Variants in EFHB observed in about 807,000 individuals in gnomAD.
EFHB encodes EF-hand domain family member B.
EFHB carries 91 observed loss-of-function variants against 87.2 expected under a neutral mutation model. The observed-to-expected ratio is 1.04, with a 90% confidence interval of 0.88 to 1.24. The LOEUF is 1.24. Ranked by LOEUF, EFHB falls within the 50% of genes most tolerant of loss-of-function variation. The pLI, the probability that EFHB is intolerant of heterozygous loss-of-function variation, is 0.00. For synonymous variants in EFHB, 325 were observed against 333.6 expected, an observed-to-expected ratio of 0.97 and a Z score of 0.28; for missense variants, 1,084 against 998.8, an observed-to-expected ratio of 1.09 and a Z score of -1.15.
At chr3:19,919,790 T>C in intron 3 of EFHB, 43 bp downstream of exon 3, 1 of 1,577,068 alleles carries the variant, frequency 6.3e-7, no homozygotes, top group Non-Finnish European at 8.7e-7. Context: ...ATTTTCACCT[T>C]GGTAAATTAA....
At chr3:19,908,617 AAAGAAAG>A (rs1694944840) in intron 5 of EFHB, among the ~76,000 whole-genome samples, 1 of 148,712 alleles carries the variant, frequency 6.7e-6, no homozygotes, top group African/African-American at 2.6e-5. Context: ...AGAAAGAAAG[AAAGAAAG>A]AAAGAAAGAA....
At position 19,879,564 on chromosome 3, in the gene EFHB, G is replaced by A; in HGVS notation, c.*67C>T. 4 of 1,458,638 alleles carry A rather than the reference G, an allele frequency of 2.7e-6. No individual in the cohort carries two copies. The highest frequency in any genetic ancestry group is 3.7e-6 in the Non-Finnish European group (4 of 1,094,894). 90.4% of individuals were successfully genotyped at this position (1,458,638 alleles called of 1,614,324 possible). A position where few individuals can be genotyped will look rare whatever the true frequency, so the allele number is the denominator to read the frequency against. The stretch of plus-strand genomic sequence containing the variant: ...TAACATAATATCTAAAACCAGAATG[G>A]ATTCAACATTTTAGATAAACACAGA... On this transcript the variant is annotated 3_prime_UTR_variant, in exon 13 of 13. Transcript: ENST00000295824.
chr3:19,897,548 G>A (rs1488606237), intron 8 of EFHB, among the ~76,000 whole-genome samples: 1 of 152,058 alleles, frequency 6.6e-6, no homozygotes, highest in African/African-American at 2.4e-5. Flanking sequence ...AGGACTCTCA[G>A]CTTTCTCTTC....
At chr3:19,887,021 A>AT (rs1694125033) in intron 10 of EFHB, among the ~76,000 whole-genome samples, 1 of 152,234 alleles carries the variant, frequency 6.6e-6, no homozygotes, top group African/African-American at 2.4e-5. Context: ...AAATCATAAT[A>AT]TATCAGCATG....
chr3:19,909,815 C>T (rs1382838533), intron 5 of EFHB, among the ~76,000 whole-genome samples: 2 of 152,094 alleles, frequency 1.3e-5, no homozygotes, highest in Non-Finnish European at 2.9e-5. Flanking sequence ...TTGCAGATGA[C>T]GTTTCTAGAC....
intron 9 of EFHB, among the ~76,000 whole-genome samples, chr3:19,895,231 C>T (rs71316233): frequency 0.049 from 7,429 of 151,708 alleles, 209 homozygotes; most frequent in Non-Finnish European, 0.06. Context: ...CCCGTAATCC[C>T]AGCACTTTGG....
intron 9 of EFHB, among the ~76,000 whole-genome samples, chr3:19,892,482 C>T (rs1420826912): frequency 6.6e-6 from 1 of 152,176 alleles, no homozygotes; most frequent in Non-Finnish European, 1.5e-5. Flanking sequence ...ATTGGTGTTA[C>T]TTCCATGACC....
chr3:19,898,924 T>C, intron 7 of EFHB, 79 bp from the exon 8 acceptor site: 1 of 1,403,776 alleles, frequency 7.1e-7, no homozygotes, highest in Non-Finnish European at 1.0e-6. Context: ...TGCCATATGT[T>C]CTTAGTAGCC....
At chr3:19,907,953 G>A (rs565015891) in intron 5 of EFHB, among the ~76,000 whole-genome samples, 2 of 152,290 alleles carry the variant, frequency 1.3e-5, no homozygotes, top group African/African-American at 4.8e-5. Flanking sequence ...CATACTCTGG[G>A]TCTAAGGGCA....
upstream of EFHB, among the ~76,000 whole-genome samples, chr3:19,936,538 T>C (rs1157476218): frequency 1.3e-5 from 2 of 152,000 alleles, no homozygotes; most frequent in Non-Finnish European, 2.9e-5. Context: ...CACTCTAGCC[T>C]GGGTGATACA....
intron 8 of EFHB, among the ~76,000 whole-genome samples, chr3:19,897,565 T>A (rs1438981796): frequency 6.6e-6 from 1 of 152,158 alleles, no homozygotes; most frequent in Admixed American, 6.5e-5. Context: ...CTTCCTTTTT[T>A]AATTCATCAA....
chr3:19,886,749 T>C (rs1298041164), intron 10 of EFHB, among the ~76,000 whole-genome samples: 1 of 130,586 alleles, frequency 7.7e-6, no homozygotes, highest in East Asian at 2.3e-4. Flanking sequence ...AGTACAACAA[T>C]GTAAGAATTT....
intron 1 of EFHB, among the ~76,000 whole-genome samples, chr3:19,928,491 G>A (rs1381970113): frequency 2.0e-5 from 3 of 152,112 alleles, no homozygotes; most frequent in Admixed American, 6.6e-5. Context: ...TCGCTCTGTC[G>A]CCCAGGACAG....
At chr3:19,885,709 C>T (rs543970325) in intron 10 of EFHB, among the ~76,000 whole-genome samples, 1 of 152,280 alleles carries the variant, frequency 6.6e-6, no homozygotes, top group African/African-American at 2.4e-5. Context: ...AAAAGACTTA[C>T]GTCTCTGAAG....
intron 9 of EFHB, 82 bp downstream of exon 9, chr3:19,896,605 A>C: frequency 6.4e-7 from 1 of 1,553,134 alleles, no homozygotes; most frequent in South Asian, 1.1e-5. Flanking sequence ...CACAGGCTAT[A>C]GTTTGCTGAC....
Position 19,933,960 on chromosome 3 carries a change from A to G in EFHB, c.59T>C (p.Val20Ala). Residue 20 changes from valine to alanine, a missense_variant, in exon 1 of 13, where the codon GTC becomes GCC. By Grantham distance (64) the Val-to-Ala change is moderately conservative. Coordinates refer to ENST00000295824, the MANE Select transcript of EFHB (RefSeq NM_144715.4). ...EGKDDLGDKR[V>A]IMGTKFPMEL... Reference sequence around the variant, plus strand: ...CATGGGAAATTTTGTTCCCATGATGACCCTCTTGTCTCCTAAATCATCCTT... The same window carrying G: ...CATGGGAAATTTTGTTCCCATGATGGCCCTCTTGTCTCCTAAATCATCCTT... 2 of 1,613,276 alleles carry G rather than the reference A, an allele frequency of 1.2e-6. No homozygotes were observed. Among genetic ancestry groups the G allele is most frequent in the Non-Finnish European group, 1.7e-6 (2 of 1,179,570 alleles).
chr3:19,884,915 T>TAAAA (rs1306907125), intron 10 of EFHB, among the ~76,000 whole-genome samples: 1 of 139,492 alleles, frequency 7.2e-6, no homozygotes, highest in Admixed American at 7.2e-5. Context: ...TTTCTTTTCT[T>TAAAA]AAAAAAAAAA....
chr3:19,915,716 T>C (rs1553633069), intron 4 of EFHB, among the ~76,000 whole-genome samples: 1 of 151,256 alleles, frequency 6.6e-6, no homozygotes, highest in Non-Finnish European at 1.5e-5. Flanking sequence ...AGTCAGGAGT[T>C]CGAGATCAGC....
At chr3:19,938,349 TA>T (rs1381596678), upstream of EFHB, among the ~76,000 whole-genome samples, 1 of 152,242 alleles carries the variant, frequency 6.6e-6, no homozygotes, top group Non-Finnish European at 1.5e-5. Context: ...ATTTGAACTT[TA>T]AAAAGGTTCA....
Sources: gnomAD v4.1 joint callset for allele counts (sites outside exome capture counted in the v4.1 genomes callset) on GRCh38, gnomAD v4.1.1 for gene constraint, MANE v1.5 for transcripts, NCBI Gene and HGNC (gene_info 2026-07-23, HGNC 2026-07-21) for gene names.